The following SPINT1 variants were observed in gnomAD, a reference collection of about 807,000 sequenced individuals.
The protein encoded by SPINT1 is serine peptidase inhibitor, Kunitz type 1.
SPINT1 carries 38 observed loss-of-function variants against 53.7 expected under a neutral mutation model. The observed-to-expected ratio is 0.71, with a 90% confidence interval of 0.55 to 0.93. The LOEUF is 0.93. Ranked by LOEUF, SPINT1 falls within the 40% of genes least tolerant of loss-of-function variation. The pLI, the probability that SPINT1 is intolerant of heterozygous loss-of-function variation, is 0.00. For missense variants in SPINT1, 645 were observed against 692.9 expected, an observed-to-expected ratio of 0.93 and a Z score of 0.78; for synonymous variants, 283 against 280.6, an observed-to-expected ratio of 1.01 and a Z score of -0.08.
At chr15:40,848,304 A>G (rs74758527) in intron 2 of SPINT1, among the ~76,000 whole-genome samples, 7,653 of 151,788 alleles carry the variant, frequency 0.05, 310 homozygotes, top group African/African-American at 0.11. Flanking sequence ...CTTTGCATTC[A>G]CTCTAACACT....
intron 2 of SPINT1, among the ~76,000 whole-genome samples, chr15:40,852,505 A>C (rs1317858859): frequency 6.6e-6 from 1 of 152,122 alleles, no homozygotes; most frequent in Admixed American, 6.6e-5. Flanking sequence ...AGCCTCAGAC[A>C]CAGGCACTGT....
chr15:40,845,359 G>T (rs1428661847), intron 2 of SPINT1, among the ~76,000 whole-genome samples: 5 of 126,030 alleles, frequency 4.0e-5, no homozygotes, highest in Non-Finnish European at 6.5e-5. Context: ...TGGTACAGAC[G>T]GGGTTTCACT....
At chr15:40,852,731 G>A (rs758160363) in intron 2 of SPINT1, among the ~76,000 whole-genome samples, 1 of 151,846 alleles carries the variant, frequency 6.6e-6, no homozygotes, top group Non-Finnish European at 1.5e-5. Flanking sequence ...ACAGCTGGGT[G>A]TGGTAATTGT....
In SPINT1 at chr15:40,853,223, T is replaced by G. The variant is rs750341676; in HGVS notation, c.575T>G (p.Leu192Arg). Residue 192 changes from leucine (L) to arginine (R), a missense_variant, in exon 3 of 11, where the codon CTG becomes CGG. By Grantham distance (102) the Leu-to-Arg change is moderately radical. Transcript: ENST00000562057. ...GTGGAAAACACAGATTGGCGCCTAC[T>G]GCGGGGTGACACGGATGTCAGGGTA... The part of the protein sequence containing the change: ...KDVENTDWRL[L>R]RGDTDVRVER... The G allele has an allele frequency of 5.0e-6, 8 of 1,614,222 alleles. No homozygotes were observed. The South Asian group carries it at 8.8e-5, about 18-fold the overall frequency.
intron 2 of SPINT1, among the ~76,000 whole-genome samples, chr15:40,850,802 G>A (rs1457185318): frequency 1.3e-5 from 2 of 152,146 alleles, no homozygotes; most frequent in Admixed American, 1.3e-4. Flanking sequence ...CAGCCTCCTC[G>A]CTCCACAGAA....
chr15:40,853,387 C>A (rs1379810098), intron 3 of SPINT1, 102 bp from the exon 4 acceptor site: 5 of 1,600,330 alleles, frequency 3.1e-6, no homozygotes, highest in East Asian at 4.5e-5. Flanking sequence ...TAATCCAACT[C>A]CCCCTGGCCT....
At chr15:40,853,284 C>T in intron 3 of SPINT1, 33 bp downstream of exon 3, 1 of 1,613,288 alleles carries the variant, frequency 6.2e-7, no homozygotes, top group Non-Finnish European at 8.5e-7. Flanking sequence ...ACCCCGCCCT[C>T]TGCCTGCCAG....
Position 40,856,029 on chromosome 15 carries a change from C to G in SPINT1, c.1255C>G (p.Gln419Glu). 1 of 1,614,188 alleles carries G rather than the reference C, an allele frequency of 6.2e-7. No individual in the cohort carries two copies. Among genetic ancestry groups the G allele is most frequent in the East Asian group, 2.2e-5 (1 of 44,886 alleles). The change falls in exon 9 of 11, where the codon CAG becomes GAG. Residue 419 changes from glutamine to glutamate, a missense_variant. By Grantham distance (29) the Gln-to-Glu change is conservative. Coordinates refer to ENST00000562057, the MANE Select transcript of SPINT1 (RefSeq NM_003710.4). ...YGNKNNFEEE[Q>E]QCLESCRGIS... ...CAACAAGAACAACTTTGAGGAAGAG[C>G]AGCAGTGCCTCGAGTCTTGTCGCGG...
chr15:40,851,111 C>G (rs1891441650), intron 2 of SPINT1, among the ~76,000 whole-genome samples: 2 of 152,138 alleles, frequency 1.3e-5, no homozygotes, highest in South Asian at 4.1e-4. Flanking sequence ...TTGCAAATTC[C>G]TAACTCCTTG....
chr15:40,853,705 C>G lies in SPINT1; in HGVS notation c.743-6C>G. 2 of 1,614,074 alleles carry G rather than the reference C, an allele frequency of 1.2e-6. No individual in the cohort carries two copies. The highest frequency in any genetic ancestry group is 1.7e-5 in the Admixed American group (1 of 60,030). ...GCACGGTCCCCTCATAAGCTCTCCCCCCTAGACTACTGCCTCGCATCCAAC... is the reference window on the plus strand; with the variant it reads ...GCACGGTCCCCTCATAAGCTCTCCCGCCTAGACTACTGCCTCGCATCCAAC... On this transcript the variant is annotated splice_region_variant and splice_polypyrimidine_tract_variant and intron_variant, in intron 4 of 10. Coordinates refer to ENST00000562057, the MANE Select transcript of SPINT1 (RefSeq NM_003710.4).
At chr15:40,850,148 A>G (rs557596293) in intron 2 of SPINT1, among the ~76,000 whole-genome samples, 40 of 152,146 alleles carry the variant, frequency 2.6e-4, no homozygotes, top group Non-Finnish European at 4.6e-4. Flanking sequence ...TCTCCGGCTC[A>G]CCACAACTCC....
At chr15:40,845,683 T>C (rs1353413842) in intron 2 of SPINT1, among the ~76,000 whole-genome samples, 1 of 152,120 alleles carries the variant, frequency 6.6e-6, no homozygotes, top group Non-Finnish European at 1.5e-5. Flanking sequence ...CTGGGCTGTG[T>C]GTACTGGAGG....
At chr15:40,850,150 C>T (rs757622526) in intron 2 of SPINT1, among the ~76,000 whole-genome samples, 4 of 152,082 alleles carry the variant, frequency 2.6e-5, no homozygotes, top group Non-Finnish European at 5.9e-5. Flanking sequence ...TCCGGCTCAC[C>T]ACAACTCCGC....
At chr15:40,851,628 T>C (rs958345255) in intron 2 of SPINT1, among the ~76,000 whole-genome samples, 1 of 152,244 alleles carries the variant, frequency 6.6e-6, no homozygotes, top group African/African-American at 2.4e-5. Context: ...TGTTGCTTCA[T>C]GTCGTGGGGT....
intron 2 of SPINT1, among the ~76,000 whole-genome samples, chr15:40,849,595 T>A (rs1410541401): frequency 6.6e-6 from 1 of 152,204 alleles, no homozygotes; most frequent in Non-Finnish European, 1.5e-5. Flanking sequence ...AAGCAAAATT[T>A]AAAAACCCAA....
At chr15:40,851,831 G>C (rs768685293) in intron 2 of SPINT1, among the ~76,000 whole-genome samples, 5 of 152,148 alleles carry the variant, frequency 3.3e-5, no homozygotes, top group Non-Finnish European at 5.9e-5. Flanking sequence ...GACCAGCCAG[G>C]CCCATGTGGT....
intron 6 of SPINT1, 150 bp downstream of exon 6, chr15:40,854,236 G>A: frequency 7.3e-7 from 1 of 1,365,560 alleles, no homozygotes; most frequent in Non-Finnish European, 9.9e-7. Flanking sequence ...TTCCAGCCCA[G>A]CATCGTCCTA....
Position 40,858,081 on chromosome 15 carries a change from C to G in SPINT1, c.*1106C>G, listed in dbSNP as rs1459370216. On this transcript the variant is annotated 3_prime_UTR_variant, in exon 11 of 11. Transcript: ENST00000562057. Reference sequence around the variant, plus strand: ...GGCTTCTGCGCTGGAGTGCAGCACCCCCAACCAGGCTCTGAGCTCCTTCCC... The same window carrying G: ...GGCTTCTGCGCTGGAGTGCAGCACCGCCAACCAGGCTCTGAGCTCCTTCCC... 6.6e-6 allele frequency: 1 copy of G among 152,060 alleles called. No individual in the cohort carries two copies. The highest frequency in any genetic ancestry group is 1.5e-5 in the Non-Finnish European group (1 of 67,992). The allele number at this position is 152,060 out of a possible 1,614,324, so 9.4% of individuals were successfully genotyped here. A position where few individuals can be genotyped will look rare whatever the true frequency, so the allele number is the denominator to read the frequency against.
chr15:40,850,306 A>G (rs578102832), intron 2 of SPINT1, among the ~76,000 whole-genome samples: 10 of 152,154 alleles, frequency 6.6e-5, no homozygotes, highest in Admixed American at 1.3e-4. Flanking sequence ...TCCCAACCTC[A>G]GGTGATCCAC....
Sources: gnomAD v4.1 joint callset for allele counts (sites outside exome capture counted in the v4.1 genomes callset) on GRCh38, gnomAD v4.1.1 for gene constraint, MANE v1.5 for transcripts, NCBI Gene and HGNC (gene_info 2026-07-23, HGNC 2026-07-21) for gene names.